The following VARS1 variants were observed in gnomAD, a reference collection of about 807,000 sequenced individuals.
VARS1 encodes valine--tRNA ligase.
Under a neutral mutation model 161.0 loss-of-function variants are expected in VARS1, and 92 were observed. The observed-to-expected ratio is 0.57, with a 90% confidence interval of 0.48 to 0.68. VARS1 has a LOEUF of 0.68. Ranked by LOEUF, VARS1 falls within the 30% of genes least tolerant of loss-of-function variation. The pLI, the probability that VARS1 is intolerant of heterozygous loss-of-function variation, is 0.00. For synonymous variants in VARS1, 595 were observed against 682.5 expected, an observed-to-expected ratio of 0.87 and a Z score of 2.00; for missense variants, 1,338 against 1,695.9, an observed-to-expected ratio of 0.79 and a Z score of 3.71.
rs1449021523 is a variant in VARS1 at position 31,782,017 on chromosome 6, C to A, written c.2242-65G>T. The A allele has an allele frequency of 1.6e-5, 26 of 1,612,506 alleles. No homozygotes were observed. Among genetic ancestry groups the A allele is most frequent in the Middle Eastern group, 1.7e-4 (1 of 6,060 alleles). ...CTTCTGGCTCACCCTGCCCCTCCCCCCACCAAGGACCCAGTAAACCCACCA... is the reference window on the plus strand; with the variant it reads ...CTTCTGGCTCACCCTGCCCCTCCCCACACCAAGGACCCAGTAAACCCACCA... On this transcript the variant is annotated intron_variant, in intron 18 of 29. Coordinates refer to ENST00000375663, the MANE Select transcript of VARS1 (RefSeq NM_006295.3). This position sits in a 1 kb window ranked among gnomAD's most constrained non-coding sequence, Gnocchi z 8.3.
chr6:31,794,778 C>T, intron 2 of VARS1, 53 bp downstream of exon 2: 2 of 1,503,634 alleles, frequency 1.3e-6, no homozygotes, highest in Admixed American at 2.2e-5. Context: ...TTCCAGTCCT[C>T]GCTTCCCTCC....
At position 31,793,540 on chromosome 6, in the gene VARS1, A is replaced by G. The variant is rs368887630; in HGVS notation, c.388-420T>C. ...AAAACAAAACACTTCTGACTCATCC[A>G]ACAAATCCCTACTCAATACTTATGT... On this transcript the variant is annotated intron_variant, in intron 2 of 29. Transcript: ENST00000375663. Among the ~76,000 whole-genome samples the G allele has an allele frequency of 5.3e-5, 8 of 152,098 alleles. No individual in the cohort carries two copies. In the East Asian group the frequency reaches 1.3e-3, roughly 26 times the overall value.
chr6:31,795,020 C>A lies in VARS1; in HGVS notation c.198G>T (p.Gly66=). The change falls in exon 2 of 30, where the codon GGG becomes GGT. Residue 66 remains glycine, a synonymous_variant. Coordinates refer to ENST00000375663, the MANE Select transcript of VARS1 (RefSeq NM_006295.3). The surrounding 1 kb of genome is among the most constrained non-coding windows in gnomAD (Gnocchi z 6.9). ...RLPALEQGPG[G]LWVWGATAVA... Reference sequence around the variant, plus strand: ...CAGCCGTGGCCCCCCACACCCAGAGCCCACCGGGCCCCTGCTCCAGGGCCG... The same window carrying A: ...CAGCCGTGGCCCCCCACACCCAGAGACCACCGGGCCCCTGCTCCAGGGCCG... 1 of 1,579,620 alleles carries A rather than the reference C, an allele frequency of 6.3e-7. No individual in the cohort carries two copies. Among genetic ancestry groups the A allele is most frequent in the Non-Finnish European group, 8.6e-7 (1 of 1,160,452 alleles).
chr6:31,794,704 G>T, intron 2 of VARS1, 127 bp downstream of exon 2: 1 of 1,320,702 alleles, frequency 7.6e-7, no homozygotes, highest in Non-Finnish European at 1.0e-6. Context: ...ATACCAGTTG[G>T]CAATCTGGGA....
At position 31,780,201 on chromosome 6, in the gene VARS1, G is replaced by A; in HGVS notation, c.2926-48C>T. 6.2e-7 allele frequency: 1 copy of A among 1,606,370 alleles called. No homozygotes were observed. Among genetic ancestry groups the A allele is most frequent in the Non-Finnish European group, 8.5e-7 (1 of 1,178,494 alleles). ...GCCGGCGGGCCAGGGGAGGGTGCCA[G>A]AACCCCATGGGGGCAGGAGTCATGG... is the stretch of plus-strand genomic sequence containing the variant. On this transcript the variant is annotated intron_variant, in intron 25 of 29. Coordinates refer to ENST00000375663, the MANE Select transcript of VARS1 (RefSeq NM_006295.3). The surrounding 1 kb of genome is among the most constrained non-coding windows in gnomAD (Gnocchi z 5.1).
Position 31,781,999 on chromosome 6 carries a change from C to A in VARS1, c.2242-47G>T, listed in dbSNP as rs1390874297. 1 of 1,612,840 alleles carries A rather than the reference C, an allele frequency of 6.2e-7. No individual in the cohort carries two copies. Among genetic ancestry groups the A allele is most frequent in the South Asian group, 1.1e-5 (1 of 91,078 alleles). On this transcript the variant is annotated intron_variant, in intron 18 of 29. Transcript: ENST00000375663. This position sits in a 1 kb window ranked among gnomAD's most constrained non-coding sequence, Gnocchi z 6.8. ...CCCAAGGGGGTGTGTCTGCTTCTGGCTCACCCTGCCCCTCCCCCCACCAAG... is the reference window on the plus strand; with the variant it reads ...CCCAAGGGGGTGTGTCTGCTTCTGGATCACCCTGCCCCTCCCCCCACCAAG...
rs1345205908 is a variant in VARS1, at chr6:31,779,155, G to C, written c.3538C>G (p.Leu1180Val). The change falls in exon 29 of 30, where the codon CTG (leucine) becomes GTG (valine). Residue 1180 changes from leucine to valine, a missense_variant. Physicochemically the swap from Leu to Val is conservative, Grantham distance 32. Coordinates refer to ENST00000375663, the MANE Select transcript of VARS1 (RefSeq NM_006295.3). The surrounding 1 kb of genome is among the most constrained non-coding windows in gnomAD (Gnocchi z 9.1). ...APAPQGCAVALASDRCSIHLQ... is the reference protein window; with the variant it reads ...APAPQGCAVAVASDRCSIHLQ... The stretch of plus-strand genomic sequence containing the variant: ...TGGATGGAGCAGCGATCAGAAGCCA[G>C]AGCCACAGCGCAACCCTGGGGGGCG... 2 of 1,605,466 alleles carry C rather than the reference G, an allele frequency of 1.2e-6. No individual in the cohort carries two copies. The highest frequency in any genetic ancestry group is 1.1e-5 in the South Asian group (1 of 90,440).
chr6:31,791,946 G>A lies in VARS1; in HGVS notation c.897C>T (p.Ser299=), dbSNP rs1260024949. ...CAGCCTCCACATACCGAGGGCTGTA[G>A]GAGTCGGGCATGGGGCCACTGACAT... The part of the protein sequence containing the change: ...KKDVSGPMPD[S]YSPRYVEAAW... Residue 299 remains serine, a synonymous_variant, in exon 7 of 30, where the codon TCC becomes TCT. Coordinates refer to ENST00000375663, the MANE Select transcript of VARS1 (RefSeq NM_006295.3). This position sits in a 1 kb window ranked among gnomAD's most constrained non-coding sequence, Gnocchi z 5.0. The A allele has an allele frequency of 1.9e-6, 3 of 1,600,452 alleles. No homozygotes were observed. The South Asian group carries it at 3.4e-5, about 18-fold the overall frequency.
chr6:31,779,755 C>A lies in VARS1; in HGVS notation c.3141G>T (p.Gln1047His). Residue 1047 changes from glutamine (Q) to histidine (H), a missense_variant, in exon 27 of 30, where the codon CAG (glutamine) becomes CAT (histidine). Coordinates refer to ENST00000375663, the MANE Select transcript of VARS1 (RefSeq NM_006295.3). This position sits in a 1 kb window ranked among gnomAD's most constrained non-coding sequence, Gnocchi z 9.1. The part of the protein sequence containing the change: ...VDQVAAECAR[Q>H]TLYTCLDVGL... ...CAACGTCCAGGCAAGTGTACAGGGT[C>A]TGGCGGGCACACTCAGCTGCCACCT... 2 of 1,613,040 alleles carry A rather than the reference C, an allele frequency of 1.2e-6. No homozygotes were observed. The highest frequency in any genetic ancestry group is 1.7e-6 in the Non-Finnish European group (2 of 1,180,002).
Position 31,785,838 on chromosome 6 carries a change from C to G in VARS1, c.1101-105G>C. 1 of 1,434,772 alleles carries G rather than the reference C, an allele frequency of 7.0e-7. No homozygotes were observed. 88.9% of individuals were successfully genotyped at this position (1,434,772 alleles called of 1,614,324 possible). ...GGAGTCAGTGGACTAAATAAAGAAG[C>G]AGGGAGGCCGGACGCGGTGGCTCAC... On this transcript the variant is annotated intron_variant, in intron 8 of 29. Coordinates refer to ENST00000375663, the MANE Select transcript of VARS1 (RefSeq NM_006295.3). This position sits in a 1 kb window ranked among gnomAD's most constrained non-coding sequence, Gnocchi z 6.1.
Position 31,782,657 on chromosome 6 carries a change from A to G in VARS1, c.1888-24T>C. 1 of 1,613,028 alleles carries G rather than the reference A, an allele frequency of 6.2e-7. No individual in the cohort carries two copies. The highest frequency in any genetic ancestry group is 8.5e-7 in the Non-Finnish European group (1 of 1,180,004). On this transcript the variant is annotated intron_variant, in intron 15 of 29. Transcript: ENST00000375663. This position sits in a 1 kb window ranked among gnomAD's most constrained non-coding sequence, Gnocchi z 8.3. ...CCCTGGGTAGGAATGAGGCCTCATC[A>G]TGGCGATGCCCAGCCATCCCTCCAT... is the stretch of plus-strand genomic sequence containing the variant.
Position 31,792,826 on chromosome 6 carries a change from G to A in VARS1, c.592C>T (p.Pro198Ser). 1.2e-6 allele frequency: 2 copies of A among 1,614,142 alleles called. No homozygotes were observed. Among genetic ancestry groups the A allele is most frequent in the East Asian group, 2.2e-5 (1 of 44,882 alleles). Residue 198 changes from proline (P) to serine (S), a missense_variant, in exon 4 of 30, where the codon CCA becomes TCA. By Grantham distance (74) the Pro-to-Ser change is moderately conservative. Coordinates refer to ENST00000375663, the MANE Select transcript of VARS1 (RefSeq NM_006295.3). ...TRWFVTCVRQ[P>S]EFRAVLGEVV... is the part of the protein sequence containing the mutation. ...TCTCCTAGCACGGCTCGGAATTCTG[G>A]CTGCCGGACACACGTGACAAACCAG...
intron 8 of VARS1, among the ~76,000 whole-genome samples, chr6:31,786,470 C>T (rs1813513739): frequency 6.6e-6 from 1 of 151,156 alleles, no homozygotes; most frequent in South Asian, 2.1e-4. Flanking sequence ...AGTTCGAGAC[C>T]AGCCTGACCA....
rs950006119 is a variant in VARS1, at chr6:31,780,914, T to A, written c.2674A>T (p.Ser892Cys). The change falls in exon 23 of 30, where the codon AGC becomes TGC. Residue 892 changes from serine to cysteine, a missense_variant. By Grantham distance (112) the Ser-to-Cys change is moderately radical. Transcript: ENST00000375663. This position sits in a 1 kb window ranked among gnomAD's most constrained non-coding sequence, Gnocchi z 5.1. Reference sequence around the variant, plus strand: ...TCCACCTCGCTGGGATCCAGGTTGCTGTTCAGCAGCTGGTTGTGGAGGCCC... The same window carrying A: ...TCCACCTCGCTGGGATCCAGGTTGCAGTTCAGCAGCTGGTTGTGGAGGCCC... ...LQGLHNQLLN[S>C]NLDPSEVEKA... The A allele has an allele frequency of 6.2e-7, 1 of 1,614,172 alleles. No homozygotes were observed.
chr6:31,788,939 G>C (rs1432920975), intron 8 of VARS1, among the ~76,000 whole-genome samples: 1 of 151,880 alleles, frequency 6.6e-6, no homozygotes, highest in Non-Finnish European at 1.5e-5. Flanking sequence ...CACATAGTTG[G>C]GCCCAGTAAA....
rs1000642264 is a variant in VARS1, at chr6:31,793,960, C to T, written c.388-840G>A. Among the ~76,000 whole-genome samples, 14 of 151,822 alleles carry T rather than the reference C, an allele frequency of 9.2e-5. 1 individual carries two copies. The highest frequency in any genetic ancestry group is 4.2e-4 in the South Asian group (2 of 4,788). On this transcript the variant is annotated intron_variant, in intron 2 of 29. Coordinates refer to ENST00000375663, the MANE Select transcript of VARS1 (RefSeq NM_006295.3). Reference sequence around the variant, plus strand: ...TCTACTAAAAATACAAAAAATTAGCCGGACAAGGTGGTGGGCGCCTGTAAT... The same window carrying T: ...TCTACTAAAAATACAAAAAATTAGCTGGACAAGGTGGTGGGCGCCTGTAAT...
chr6:31,785,810 C>A lies in VARS1; in HGVS notation c.1101-77G>T, dbSNP rs988068512. ...CACCAAAGAAAGCAGAGGCTTCAGG[C>A]AAGGAGTCAGTGGACTAAATAAAGA... On this transcript the variant is annotated intron_variant, in intron 8 of 29. Coordinates refer to ENST00000375663, the MANE Select transcript of VARS1 (RefSeq NM_006295.3). The surrounding 1 kb of genome is among the most constrained non-coding windows in gnomAD (Gnocchi z 6.1). 26 of 1,510,882 alleles carry A rather than the reference C, an allele frequency of 1.7e-5. No homozygotes were observed. Among genetic ancestry groups the A allele is most frequent in the Non-Finnish European group, 4.4e-6 (5 of 1,137,506 alleles). The allele number at this position is 1,510,882 out of a possible 1,614,324, so 93.6% of individuals were successfully genotyped here. A position where few individuals can be genotyped will look rare whatever the true frequency, so the allele number is the denominator to read the frequency against.
At position 31,784,696 on chromosome 6, in the gene VARS1, T is replaced by C. The variant is rs1280638090; in HGVS notation, c.1366A>G (p.Thr456Ala). 2 of 1,612,958 alleles carry C rather than the reference T, an allele frequency of 1.2e-6. No individual in the cohort carries two copies. ...TMDPKLSAAV[T>A]EAFVRLHEEG... ...TCGTGAAGCCGGACAAAGGCCTCTG[T>C]CACAGCTGCTGAGAGTTTCTGGGGT... The change falls in exon 11 of 30, where the codon ACA becomes GCA. Residue 456 changes from threonine to alanine, a missense_variant. Around this residue, in one of 3 missense-constraint regions of VARS1, gnomAD observed 902 missense variants for 1,090.3 expected, o/e 0.83. Coordinates refer to ENST00000375663, the MANE Select transcript of VARS1 (RefSeq NM_006295.3). The surrounding 1 kb of genome is among the most constrained non-coding windows in gnomAD (Gnocchi z 6.1).
In VARS1 at chr6:31,793,048, C is replaced by T. The variant is rs566508743; in HGVS notation, c.460G>A (p.Gly154Arg). The stretch of plus-strand genomic sequence containing the variant: ...AGGTCAGCCAGAGTGGGGGCCTCCC[C>T]GGCCAAGTAGGTGTGCAGCCGAAGC... ...EWLRLHTYLAGEAPTLADLAA... is the reference protein window; with the variant it reads ...EWLRLHTYLAREAPTLADLAA... Residue 154 changes from glycine to arginine, a missense_variant, in exon 3 of 30, where the codon GGG (glycine) becomes AGG (arginine). By Grantham distance (125) the Gly-to-Arg change is moderately radical (BLOSUM62 -2). Around this residue, in one of 3 missense-constraint regions of VARS1, gnomAD observed 902 missense variants for 1,090.3 expected, o/e 0.83. Coordinates refer to ENST00000375663, the MANE Select transcript of VARS1 (RefSeq NM_006295.3). 16 of 1,613,032 alleles carry T rather than the reference C, an allele frequency of 9.9e-6. No homozygotes were observed. In the African/African-American group the frequency reaches 1.2e-4, roughly 12 times the overall value.
Sources: allele counts gnomAD v4.1 joint callset (sites outside exome capture counted in the v4.1 genomes callset), GRCh38; gene constraint gnomAD v4.1.1; regional missense constraint gnomAD v4.1.1; non-coding constraint Gnocchi (gnomAD v3.1); transcripts MANE v1.5; gene names NCBI Gene and HGNC (gene_info 2026-07-23, HGNC 2026-07-21).